The following DOK6 variants were observed in gnomAD, a reference collection of about 807,000 sequenced individuals.
DOK6 encodes the protein downstream of tyrosine kinase 6.
DOK6 carries 22 observed loss-of-function variants against 44.0 expected under a neutral mutation model. That is an observed-to-expected ratio of 0.50 (90% CI 0.36 to 0.71). The LOEUF is 0.71. Ranked by LOEUF, DOK6 falls within the 30% of genes least tolerant of loss-of-function variation. DOK6 has a pLI of 0.00. For missense variants in DOK6, 340 were observed against 416.4 expected, an observed-to-expected ratio of 0.82 and a Z score of 1.60; for synonymous variants, 166 against 145.5, an observed-to-expected ratio of 1.14 and a Z score of -1.01.
intron 1 of DOK6, among the ~76,000 whole-genome samples, chr18:69,488,912 C>T (rs773264410): frequency 1.7e-4 from 26 of 152,160 alleles, no homozygotes; most frequent in Non-Finnish European, 2.6e-4. Context: ...GCCAGAACTC[C>T]TGTTTATTGA....
intron 3 of DOK6, among the ~76,000 whole-genome samples, chr18:69,613,678 A>G (rs1442534337): frequency 2.0e-5 from 3 of 152,092 alleles, no homozygotes; most frequent in Admixed American, 6.5e-5. Flanking sequence ...AAAAAAGAGT[A>G]TAACTGTGTC....
At chr18:69,815,076 C>T (rs7235918) in intron 7 of DOK6, among the ~76,000 whole-genome samples, 1 of 151,960 alleles carries the variant, frequency 6.6e-6, no homozygotes, top group Non-Finnish European at 1.5e-5. Flanking sequence ...ATTCCTACCC[C>T]CAGAACAATA....
In DOK6 at chr18:69,499,869, A is replaced by G. The variant is rs149215302; in HGVS notation, c.67-64618A>G. On this transcript the variant is annotated intron_variant, in intron 1 of 7. Transcript: ENST00000382713. ...AGGCTTAGAGTCATTCCTAATTTCTATCTTTCCCTCACATTTTAATTCTTA... is the reference window on the plus strand; with the variant it reads ...AGGCTTAGAGTCATTCCTAATTTCTGTCTTTCCCTCACATTTTAATTCTTA... Among the ~76,000 whole-genome samples the G allele has an allele frequency of 1.8e-3, 270 of 152,230 alleles. 1 individual carries two copies. The highest frequency in any genetic ancestry group is 5.3e-3 in the African/African-American group (220 of 41,530).
At chr18:69,726,684 TA>T (rs66626176) in intron 5 of DOK6, among the ~76,000 whole-genome samples, 29,035 of 151,700 alleles carry the variant, frequency 0.19, 2,897 homozygotes, top group Middle Eastern at 0.28. Context: ...TATATACATA[TA>T]TTTTTTTTCT....
intron 7 of DOK6, among the ~76,000 whole-genome samples, chr18:69,782,378 A>T (rs947027053): frequency 6.6e-6 from 1 of 151,606 alleles, no homozygotes; most frequent in Non-Finnish European, 1.5e-5. Flanking sequence ...TGCCCGGCTA[A>T]TTTTTTATAT....
Position 69,801,084 on chromosome 18 carries a change from A to ATTTTG in DOK6, c.857-40110_857-40106dup, listed in dbSNP as rs60596554. 8.7e-4 allele frequency among the ~76,000 whole-genome samples: 124 copies of ATTTTG among 142,756 alleles called. 1 individual carries two copies. Among genetic ancestry groups the ATTTTG allele is most frequent in the African/African-American group, 2.9e-3 (113 of 38,416 alleles). The allele number at this position is 142,756 out of a possible 152,430, so 93.7% of individuals were successfully genotyped here. On this transcript the variant is annotated intron_variant, in intron 7 of 7. Transcript: ENST00000382713. ...ATGCCCAGCCTTTTTCTTTACTTTG[A>ATTTTG]TTTTGTTTTGTTTTGTTTTGTTTTG... is the stretch of plus-strand genomic sequence containing the variant.
chr18:69,738,865 G>A, intron 5 of DOK6, 100 bp from the exon 6 acceptor site: 2 of 1,455,552 alleles, frequency 1.4e-6, no homozygotes, highest in South Asian at 1.3e-5. Context: ...GTGGAGGTCA[G>A]GAGGAGGAGG....
At chr18:69,732,883 TAAG>T (rs2144732771) in intron 5 of DOK6, among the ~76,000 whole-genome samples, 1 of 152,312 alleles carries the variant, frequency 6.6e-6, no homozygotes, top group Non-Finnish European at 1.5e-5. Context: ...CTCACACCGC[TAAG>T]AAGAATTATC....
intron 1 of DOK6, among the ~76,000 whole-genome samples, chr18:69,424,260 A>G (rs139005455): frequency 6.6e-5 from 10 of 152,346 alleles, no homozygotes; most frequent in African/African-American, 1.9e-4. Context: ...AATGCAGCCA[A>G]GTAAATTCCA....
chr18:69,803,549 T>C (rs72951588), intron 7 of DOK6, among the ~76,000 whole-genome samples: 1 of 152,132 alleles, frequency 6.6e-6, no homozygotes, highest in Non-Finnish European at 1.5e-5. Context: ...AGGGAAGATT[T>C]AGTGAGTAAC....
rs140248854 is a variant in DOK6 at position 69,717,030 on chromosome 18, A to T, written c.599+18437A>T. Among the ~76,000 whole-genome samples the T allele has an allele frequency of 2.2e-3, 336 of 152,308 alleles. 1 individual carries two copies. Among genetic ancestry groups the T allele is most frequent in the Non-Finnish European group, 3.6e-3 (247 of 68,036 alleles). On this transcript the variant is annotated intron_variant, in intron 5 of 7. Coordinates refer to ENST00000382713, the MANE Select transcript of DOK6 (RefSeq NM_152721.6). ...TAGGAGTTTATTCTTTTTTATTGTCATATGAATATACTATAATTCCTTTAC... is the reference window on the plus strand; with the variant it reads ...TAGGAGTTTATTCTTTTTTATTGTCTTATGAATATACTATAATTCCTTTAC...
intron 1 of DOK6, among the ~76,000 whole-genome samples, chr18:69,430,148 A>T (rs1158164470): frequency 6.6e-6 from 1 of 152,196 alleles, no homozygotes; most frequent in East Asian, 1.9e-4. Context: ...AAGGTCTAGG[A>T]TTTGACTGAT....
intron 3 of DOK6, among the ~76,000 whole-genome samples, chr18:69,658,322 T>A (rs1985422343): frequency 6.6e-6 from 1 of 152,174 alleles, no homozygotes; most frequent in Non-Finnish European, 1.5e-5. Context: ...CACTTTAAAT[T>A]CTTTGGTCTT....
Position 69,802,575 on chromosome 18 carries a change from G to A in DOK6, c.857-38669G>A, listed in dbSNP as rs542504144. On this transcript the variant is annotated intron_variant, in intron 7 of 7. Coordinates refer to ENST00000382713, the MANE Select transcript of DOK6 (RefSeq NM_152721.6). ...TCTAGTGGGAGATATTTGGATCATG[G>A]GGGTGGATCCTTCATGAGTGTCCTA... Among the ~76,000 whole-genome samples the A allele has an allele frequency of 3.7e-4, 56 of 152,226 alleles. No individual in the cohort carries two copies. In the South Asian group the frequency reaches 0.011, roughly 31 times the overall value.
intron 7 of DOK6, among the ~76,000 whole-genome samples, chr18:69,768,901 G>A (rs1437261601): frequency 6.7e-6 from 1 of 149,604 alleles, no homozygotes; most frequent in Non-Finnish European, 1.5e-5. Context: ...AAACTCAGGA[G>A]CATGGTTATA....
intron 3 of DOK6, among the ~76,000 whole-genome samples, chr18:69,644,708 C>G (rs1985027676): frequency 6.6e-6 from 1 of 152,110 alleles, no homozygotes; most frequent in Non-Finnish European, 1.5e-5. Context: ...CTTTATTACT[C>G]TTTGTCAAGA....
chr18:69,810,655 C>A (rs754225029), intron 7 of DOK6, among the ~76,000 whole-genome samples: 2 of 150,948 alleles, frequency 1.3e-5, no homozygotes, highest in African/African-American at 2.4e-5. Flanking sequence ...TTTTAATGGG[C>A]AAAGGTCCTG....
At position 69,763,612 on chromosome 18, in the gene DOK6, G is replaced by C. The variant is rs182562486; in HGVS notation, c.856+5739G>C. On this transcript the variant is annotated intron_variant, in intron 7 of 7. Transcript: ENST00000382713. Reference sequence around the variant, plus strand: ...AAGAAAGAAATACAGAGAAGTTGAGGAGGGGAGCACAGGAAAGGGTAAAAA... The same window carrying C: ...AAGAAAGAAATACAGAGAAGTTGAGCAGGGGAGCACAGGAAAGGGTAAAAA... Among the ~76,000 whole-genome samples, 172 of 152,220 alleles carry C rather than the reference G, an allele frequency of 1.1e-3. 1 individual carries two copies. Among genetic ancestry groups the C allele is most frequent in the African/African-American group, 3.9e-3 (164 of 41,542 alleles).
intron 1 of DOK6, chr18:69,532,707 T>A (rs1410756932): frequency 1.3e-5 from 2 of 152,040 alleles, no homozygotes; most frequent in Admixed American, 1.3e-4. Flanking sequence ...TAAAAATTTT[T>A]AAAAATTAGC....
Sources: allele counts gnomAD v4.1 joint callset (sites outside exome capture counted in the v4.1 genomes callset), GRCh38; gene constraint gnomAD v4.1.1; transcripts MANE v1.5; gene names NCBI Gene and HGNC (gene_info 2026-07-23, HGNC 2026-07-21).